Variants in PBX1 observed in about 807,000 individuals in gnomAD.
The protein encoded by PBX1 is pre-B-cell leukemia transcription factor 1.
PBX1 carries 6 observed loss-of-function variants against 53.4 expected under a neutral mutation model. The ratio of observed to expected loss-of-function variants is 0.11; its 90% CI spans 0.06 to 0.22. The LOEUF is 0.22. Ranked by LOEUF, PBX1 falls within the 10% of genes least tolerant of loss-of-function variation. The pLI is 1.00. For synonymous variants in PBX1, 204 were observed against 212.3 expected (o/e 0.96, Z 0.34); for missense variants, 251 against 551.4 (o/e 0.46, Z 5.46).
At chr1:164,865,183 A>G (rs893140832) in intron 2 of PBX1, among the ~76,000 whole-genome samples, 1 of 152,242 alleles carries the variant, frequency 6.6e-6, no homozygotes, top group Admixed American at 6.5e-5. Flanking sequence ...TGAAACTGAG[A>G]TGAGGGGACT....
intron 2 of PBX1, among the ~76,000 whole-genome samples, chr1:164,585,438 T>A (rs1296023118): frequency 6.6e-6 from 1 of 152,232 alleles, no homozygotes; most frequent in Admixed American, 6.5e-5. Context: ...CCACTCAGTG[T>A]TGAGTTTAGC....
chr1:164,794,885 A>G (rs1668708323), intron 3 of PBX1, among the ~76,000 whole-genome samples: 1 of 152,164 alleles, frequency 6.6e-6, no homozygotes, highest in Non-Finnish European at 1.5e-5. Context: ...TCACTAAACC[A>G]TAATTGCAAT....
At chr1:164,663,094 A>G (rs752410613) in intron 2 of PBX1, among the ~76,000 whole-genome samples, 3 of 152,210 alleles carry the variant, frequency 2.0e-5, no homozygotes, top group Non-Finnish European at 4.4e-5. Flanking sequence ...AGCCTTAAGC[A>G]TGTCAGTCAA....
At chr1:164,569,550 CT>C (rs1002562641) in intron 2 of PBX1, among the ~76,000 whole-genome samples, 1 of 110,672 alleles carries the variant, frequency 9.0e-6, no homozygotes, top group Non-Finnish European at 2.0e-5. Context: ...GATTTGCTTT[CT>C]TTTTTTCCTT....
intron 2 of PBX1, chr1:164,769,172 A>G (rs1667236471): frequency 6.6e-6 from 1 of 152,218 alleles, no homozygotes; most frequent in Non-Finnish European, 1.5e-5. Context: ...ACTCCCTTAT[A>G]AATACATCGA....
Position 164,807,590 on chromosome 1 carries a change from A to G in PBX1, c.750A>G (p.Glu250=), listed in dbSNP as rs1283963117. ...AGCAAGCGACAGAAATCCTGAATGA[A>G]TATTTCTATTCCCATCTCAGCAACC... ...FNKQATEILN[E]YFYSHLSNPY... is the part of the protein sequence containing the mutation. The change falls in exon 5 of 9, where the codon GAA becomes GAG. Residue 250 remains glutamate (E), a synonymous_variant. Coordinates refer to ENST00000420696, the MANE Select transcript of PBX1 (RefSeq NM_002585.4). The G allele has an allele frequency of 3.1e-6, 5 of 1,613,942 alleles. No individual in the cohort carries two copies. The highest frequency in any genetic ancestry group is 2.7e-5 in the African/African-American group (2 of 74,932).
intron 5 of PBX1, among the ~76,000 whole-genome samples, chr1:164,809,200 C>T (rs975924072): frequency 1.3e-5 from 2 of 152,066 alleles, no homozygotes; most frequent in African/African-American, 4.8e-5. Flanking sequence ...TTTCAACTTC[C>T]TGTTGAAGGT....
chr1:164,677,154 A>G (rs1200312952), intron 2 of PBX1, among the ~76,000 whole-genome samples: 3 of 149,676 alleles, frequency 2.0e-5, no homozygotes, highest in Non-Finnish European at 3.0e-5. Context: ...CTGCAGTGGC[A>G]CAATCTCGGC....
intron 2 of PBX1, among the ~76,000 whole-genome samples, chr1:164,720,725 G>T (rs1332829437): frequency 6.6e-6 from 1 of 152,196 alleles, no homozygotes; most frequent in Non-Finnish European, 1.5e-5. Flanking sequence ...CTGCCTCCAG[G>T]TCTAGCTAAT....
intron 2 of PBX1, among the ~76,000 whole-genome samples, chr1:164,647,972 GC>G (rs1659564644): frequency 6.6e-6 from 1 of 151,954 alleles, no homozygotes; most frequent in Admixed American, 6.6e-5. Context: ...CCACCACTAC[GC>G]CCGGCTAATT....
At chr1:164,874,167 T>C (rs1203418334) in intron 2 of PBX1, among the ~76,000 whole-genome samples, 1 of 152,174 alleles carries the variant, frequency 6.6e-6, no homozygotes, top group Non-Finnish European at 1.5e-5. Context: ...GGAGCTATTC[T>C]CTTTTGGGGT....
intron 2 of PBX1, among the ~76,000 whole-genome samples, chr1:164,867,084 C>T (rs938216166): frequency 3.3e-5 from 5 of 152,182 alleles, no homozygotes; most frequent in African/African-American, 9.7e-5. Context: ...GACAATGTGA[C>T]ACAGAGAAAG....
chr1:164,643,943 AC>A (rs1239613812), intron 2 of PBX1, among the ~76,000 whole-genome samples: 1 of 152,184 alleles, frequency 6.6e-6, no homozygotes, highest in Non-Finnish European at 1.5e-5. Flanking sequence ...AGCTTGACTC[AC>A]ATATTTATTG....
Position 164,563,227 on chromosome 1 carries a change from C to A in PBX1, c.192-11C>A. ...GTCCACCTAAGCTATCATGTTGTTTCTTTCTTGCAGAAAACATGCTTTAAA... is the reference window on the plus strand; with the variant it reads ...GTCCACCTAAGCTATCATGTTGTTTATTTCTTGCAGAAAACATGCTTTAAA... On this transcript the variant is annotated splice_polypyrimidine_tract_variant and intron_variant, in intron 1 of 8. Coordinates refer to ENST00000420696, the MANE Select transcript of PBX1 (RefSeq NM_002585.4). 1 of 1,603,094 alleles carries A rather than the reference C, an allele frequency of 6.2e-7. No homozygotes were observed. The highest frequency in any genetic ancestry group is 1.1e-5 in the South Asian group (1 of 90,310).
chr1:164,880,073 AGACATTT>A (rs1672610764), intron 2 of PBX1, among the ~76,000 whole-genome samples: 1 of 152,192 alleles, frequency 6.6e-6, no homozygotes, highest in Admixed American at 6.5e-5. Context: ...GAGAGGGTTA[AGACATTT>A]ACCTGAAAAG....
chr1:164,781,064 G>C (rs1213993754), intron 2 of PBX1, among the ~76,000 whole-genome samples: 3 of 152,164 alleles, frequency 2.0e-5, no homozygotes, highest in Non-Finnish European at 4.4e-5. Flanking sequence ...TTAGCAGCAC[G>C]GCATGTGCTT....
chr1:164,717,938 T>G (rs1427473753), intron 2 of PBX1, among the ~76,000 whole-genome samples: 1 of 152,244 alleles, frequency 6.6e-6, no homozygotes, highest in Non-Finnish European at 1.5e-5. Flanking sequence ...AGCAATCTTT[T>G]ATTAAGCATG....
At chr1:164,713,864 G>C (rs562598183) in intron 2 of PBX1, among the ~76,000 whole-genome samples, 1 of 152,226 alleles carries the variant, frequency 6.6e-6, no homozygotes, top group African/African-American at 2.4e-5. Flanking sequence ...AAGTATTAAG[G>C]ACAAATGATA....
At chr1:164,612,790 G>C (rs1657023256) in intron 2 of PBX1, among the ~76,000 whole-genome samples, 1 of 152,076 alleles carries the variant, frequency 6.6e-6, no homozygotes, top group Admixed American at 6.5e-5. Context: ...CTGAGTTGCT[G>C]GTGTCTCATG....
Sources: gnomAD v4.1 joint callset for allele counts (sites outside exome capture counted in the v4.1 genomes callset) on GRCh38, gnomAD v4.1.1 for gene constraint, MANE v1.5 for transcripts, NCBI Gene and HGNC (gene_info 2026-07-23, HGNC 2026-07-21) for gene names.